ELFN1: variants seen among roughly 807,000 people sequenced by gnomAD.
ELFN1 encodes the protein protein ELFN1.
In ELFN1, 6 loss-of-function variants were observed where a neutral mutation model predicts 7.6. The ratio of observed to expected loss-of-function variants is 0.79; its 90% CI spans 0.43 to 1.56. The LOEUF (loss-of-function observed/expected upper bound fraction) is 1.56, where lower values mean the gene tolerates loss of function less well. Ranked by LOEUF, ELFN1 falls within the 40% of genes most tolerant of loss-of-function variation. ELFN1 has a pLI of 0.01. For synonymous variants in ELFN1, 657 were observed against 588.1 expected (o/e 1.12, Z -1.70); for missense variants, 1,169 against 1,232.2 (o/e 0.95, Z 0.77).
At position 1,739,839 on chromosome 7, in the gene ELFN1, G is replaced by A. The variant is rs1049645125; in HGVS notation, c.-293-4465G>A. ...GAGGGGGGACGCCCGGTGGGGCGGGGCTGAGGATGGAAGAGGAGGTGAGGG... is the reference window on the plus strand; with the variant it reads ...GAGGGGGGACGCCCGGTGGGGCGGGACTGAGGATGGAAGAGGAGGTGAGGG... On this transcript the variant is annotated intron_variant, in intron 3 of 3. Coordinates refer to ENST00000424383, the MANE Select transcript of ELFN1 (RefSeq NM_001128636.4). The surrounding 1 kb of genome is among the most constrained non-coding windows in gnomAD (Gnocchi z 4.6). Among the ~76,000 whole-genome samples the A allele has an allele frequency of 6.6e-6, 1 of 152,232 alleles. No homozygotes were observed. Among genetic ancestry groups the A allele is most frequent in the African/African-American group, 2.4e-5 (1 of 41,468 alleles).
At chr7:1,692,469 G>C (rs1481468689) in intron 2 of ELFN1, 1 of 152,476 alleles carries the variant, frequency 6.6e-6, no homozygotes, top group Admixed American at 6.5e-5. Context: ...GGGGCTGGGA[G>C]CTTAGGGATC....
chr7:1,692,555 G>A (rs918186433), intron 2 of ELFN1: 2 of 152,494 alleles, frequency 1.3e-5, no homozygotes, highest in Non-Finnish European at 2.9e-5. Context: ...GCAGAGGCAG[G>A]CAACACCGTG....
In ELFN1 at chr7:1,673,644, C is replaced by A. The variant is rs1029016984; in HGVS notation, c.-549+3290C>A. 6.6e-6 allele frequency among the ~76,000 whole-genome samples: 1 copy of A among 152,234 alleles called. No individual in the cohort carries two copies. The highest frequency in any genetic ancestry group is 2.4e-5 in the African/African-American group (1 of 41,458). On this transcript the variant is annotated intron_variant, in intron 1 of 3. Coordinates refer to ENST00000424383, the MANE Select transcript of ELFN1 (RefSeq NM_001128636.4). The surrounding 1 kb of genome is among the most constrained non-coding windows in gnomAD (Gnocchi z 4.7). Reference sequence around the variant, plus strand: ...AGACAAGGGCCAACTGTGTGCCCTACCTGGAGCCTGGGACAAAGCCCAGAG... The same window carrying A: ...AGACAAGGGCCAACTGTGTGCCCTAACTGGAGCCTGGGACAAAGCCCAGAG...
rs144390485 is a variant in ELFN1, at chr7:1,737,628, G to A, written c.-293-6676G>A. Among the ~76,000 whole-genome samples, 531 of 152,150 alleles carry A rather than the reference G, an allele frequency of 3.5e-3. 5 individuals are homozygous for A. Among genetic ancestry groups the A allele is most frequent in the African/African-American group, 0.012 (499 of 41,522 alleles). Reference sequence around the variant, plus strand: ...CCTGAAGTGGCCAGCTCATTCCATCGGGGGCATTCCCGCTCACACCACCTC... The same window carrying A: ...CCTGAAGTGGCCAGCTCATTCCATCAGGGGCATTCCCGCTCACACCACCTC... On this transcript the variant is annotated intron_variant, in intron 3 of 3. Transcript: ENST00000424383.
intron 3 of ELFN1, among the ~76,000 whole-genome samples, chr7:1,728,640 C>T (rs1408264590): frequency 2.0e-5 from 3 of 152,240 alleles, no homozygotes; most frequent in African/African-American, 7.2e-5. Flanking sequence ...CACTTCACGC[C>T]CCAGGCAGCA....
At chr7:1,737,828 A>G (rs1465525048) in intron 3 of ELFN1, among the ~76,000 whole-genome samples, 1 of 152,066 alleles carries the variant, frequency 6.6e-6, no homozygotes, top group Non-Finnish European at 1.5e-5. Flanking sequence ...AGCCGAGCAC[A>G]TTTCCAGGGT....
chr7:1,745,663 T>A lies in ELFN1; in HGVS notation c.1067T>A (p.Val356Glu). The A allele has an allele frequency of 6.4e-7, 1 of 1,551,366 alleles. No individual in the cohort carries two copies. The highest frequency in any genetic ancestry group is 8.7e-7 in the Non-Finnish European group (1 of 1,147,016). Residue 356 changes from valine to glutamate, a missense_variant, in exon 4 of 4, where the codon GTG (valine) becomes GAG (glutamate). This residue lies in a region of ELFN1 where 914 missense variants were observed against 872.6 expected (regional missense o/e 1.05). Transcript: ENST00000424383. ...EHFNNSKAST[V>E]SRLTKAQEEI... is the part of the protein sequence containing the mutation. ...TTCAACAACAGCAAGGCCTCCACCG[T>A]GTCCAGGCTGACCAAGGCCCAGGAG... is the stretch of plus-strand genomic sequence containing the variant.
rs1430929549 is a variant in ELFN1 at position 1,705,073 on chromosome 7, C to T, written c.-455-4018C>T. On this transcript the variant is annotated intron_variant, in intron 2 of 3. Coordinates refer to ENST00000424383, the MANE Select transcript of ELFN1 (RefSeq NM_001128636.4). The surrounding 1 kb of genome is among the most constrained non-coding windows in gnomAD (Gnocchi z 4.3). ...GGTGGAGACCTGCTGGGGTGGGGGG[C>T]GCGTACTGGAGAACAGAGGGACACC... Among the ~76,000 whole-genome samples the T allele has an allele frequency of 6.6e-6, 1 of 152,012 alleles. No homozygotes were observed. The highest frequency in any genetic ancestry group is 6.5e-5 in the Admixed American group (1 of 15,274).
chr7:1,673,866 A>C lies in ELFN1; in HGVS notation c.-549+3512A>C, dbSNP rs909000224. Among the ~76,000 whole-genome samples, 1 of 152,118 alleles carries C rather than the reference A, an allele frequency of 6.6e-6. No homozygotes were observed. The highest frequency in any genetic ancestry group is 1.5e-5 in the Non-Finnish European group (1 of 68,006). ...AGCTGTGGCTGGACCAGGCCTCCAC[A>C]CCTGTAGAGCTGTCCTGGGGCAGCT... On this transcript the variant is annotated intron_variant, in intron 1 of 3. Coordinates refer to ENST00000424383, the MANE Select transcript of ELFN1 (RefSeq NM_001128636.4). The surrounding 1 kb of genome is among the most constrained non-coding windows in gnomAD (Gnocchi z 4.7).
chr7:1,710,164 A>G (rs1293091415), intron 3 of ELFN1, among the ~76,000 whole-genome samples: 2 of 152,226 alleles, frequency 1.3e-5, no homozygotes, highest in Non-Finnish European at 2.9e-5. Flanking sequence ...GAAGAGTTCT[A>G]TACACTGAAT....
chr7:1,666,793 G>T (rs996068091), upstream of ELFN1, among the ~76,000 whole-genome samples: 2 of 151,724 alleles, frequency 1.3e-5, no homozygotes, highest in Non-Finnish European at 2.9e-5. This position sits in a 1 kb window ranked among gnomAD's most constrained non-coding sequence, Gnocchi z 7.9. Flanking sequence ...CAAAGCCGGC[G>T]TGGGGGGGCG....
chr7:1,728,803 GTCCCAGC>G (rs918443626), intron 3 of ELFN1, among the ~76,000 whole-genome samples: 1 of 152,154 alleles, frequency 6.6e-6, no homozygotes, highest in African/African-American at 2.4e-5. Context: ...CTCCACCCGG[GTCCCAGC>G]TCCTGTCGGG....
chr7:1,743,707 G>A (rs1780694192), intron 3 of ELFN1, among the ~76,000 whole-genome samples: 1 of 152,216 alleles, frequency 6.6e-6, no homozygotes, highest in Non-Finnish European at 1.5e-5. Flanking sequence ...AGGATTCTGT[G>A]TTGAGGGCTG....
At chr7:1,725,436 G>A (rs534075411) in intron 3 of ELFN1, among the ~76,000 whole-genome samples, 4 of 152,004 alleles carry the variant, frequency 2.6e-5, no homozygotes, top group East Asian at 1.9e-4. Context: ...TTAGAGAGGC[G>A]GGAGCGAGAC....
intron 1 of ELFN1, among the ~76,000 whole-genome samples, chr7:1,687,574 C>G (rs952416984): frequency 6.6e-6 from 1 of 151,780 alleles, no homozygotes; most frequent in Non-Finnish European, 1.5e-5. Context: ...AAATTTAATT[C>G]TAAGGAAATA....
At position 1,670,671 on chromosome 7, in the gene ELFN1, C is replaced by T. The variant is rs1265035776; in HGVS notation, c.-549+317C>T. Among the ~76,000 whole-genome samples, 1 of 152,202 alleles carries T rather than the reference C, an allele frequency of 6.6e-6. No individual in the cohort carries two copies. Among genetic ancestry groups the T allele is most frequent in the Non-Finnish European group, 1.5e-5 (1 of 68,018 alleles). On this transcript the variant is annotated intron_variant, in intron 1 of 3. Coordinates refer to ENST00000424383, the MANE Select transcript of ELFN1 (RefSeq NM_001128636.4). The surrounding 1 kb of genome is among the most constrained non-coding windows in gnomAD (Gnocchi z 6.4). Reference sequence around the variant, plus strand: ...AGGTCCCTTCCCCAGCGCCTCTCTCCCTTCCGTCCCCCTTCGCCGTCCGCA... The same window carrying T: ...AGGTCCCTTCCCCAGCGCCTCTCTCTCTTCCGTCCCCCTTCGCCGTCCGCA...
chr7:1,679,770 C>G (rs761190016), intron 1 of ELFN1, among the ~76,000 whole-genome samples: 3 of 152,246 alleles, frequency 2.0e-5, no homozygotes, highest in Non-Finnish European at 4.4e-5. Flanking sequence ...CCTGGCCACA[C>G]TCCAACAGTG....
intron 3 of ELFN1, among the ~76,000 whole-genome samples, chr7:1,729,430 T>C (rs1780278169): frequency 6.6e-6 from 1 of 152,146 alleles, no homozygotes; most frequent in Non-Finnish European, 1.5e-5. Flanking sequence ...GCCAGTGCCA[T>C]GGCCCTAGCC....
At chr7:1,725,633 G>T (rs1300261793) in intron 3 of ELFN1, among the ~76,000 whole-genome samples, 1 of 152,178 alleles carries the variant, frequency 6.6e-6, no homozygotes, top group Non-Finnish European at 1.5e-5. Flanking sequence ...TCCTCTGGCT[G>T]CCCCAGCTGT....
Sources: gnomAD v4.1 joint callset for allele counts (sites outside exome capture counted in the v4.1 genomes callset) on GRCh38, gnomAD v4.1.1 for gene constraint, gnomAD v4.1.1 regional missense constraint, Gnocchi (gnomAD v3.1) non-coding constraint, MANE v1.5 for transcripts, NCBI Gene and HGNC (gene_info 2026-07-23, HGNC 2026-07-21) for gene names.